The following PRH1 variants were observed in gnomAD, a reference collection of about 807,000 sequenced individuals.
PRH1 encodes proline rich protein HaeIII subfamily 1, also known as salivary acidic proline-rich phosphoprotein 1/2.
PRH1 carries 7 observed loss-of-function variants against 7.9 expected under a neutral mutation model. The ratio of observed to expected loss-of-function variants is 0.89; its 90% CI spans 0.50 to 1.67. The LOEUF (loss-of-function observed/expected upper bound fraction) is 1.67, where lower values mean the gene tolerates loss of function less well. PRH1 is among the 40% of genes most tolerant of loss of function. The pLI, the probability that PRH1 is intolerant of heterozygous loss-of-function variation, is 0.00. For missense variants in PRH1, 109 were observed against 223.6 expected, an observed-to-expected ratio of 0.49 and a Z score of 3.27; for synonymous variants, 45 against 80.8, an observed-to-expected ratio of 0.56 and a Z score of 2.38.
chr12:11,065,454 C>T (rs751643499), intron 1 of PRH1, among the ~76,000 whole-genome samples: 11 of 88,928 alleles, frequency 1.2e-4, no homozygotes, highest in Non-Finnish European at 1.6e-4. Flanking sequence ...CTGATTGTAG[C>T]TTCAATGTCT....
chr12:10,955,999 C>G (rs760347340), intron 2 of PRH1, among the ~76,000 whole-genome samples: 22 of 152,102 alleles, frequency 1.4e-4, no homozygotes, highest in Non-Finnish European at 2.4e-4. Context: ...AGAATTCCAC[C>G]ATGTGTATAA....
At chr12:11,031,368 C>G (rs754246916) in intron 1 of PRH1, 2 of 1,601,330 alleles carry the variant, frequency 1.2e-6, no homozygotes, top group Non-Finnish European at 1.7e-6. Flanking sequence ...TGTTTTAATG[C>G]TGGTGTTGTG....
chr12:10,979,063 A>G (rs1939234229), intron 1 of PRH1, among the ~76,000 whole-genome samples: 1 of 152,148 alleles, frequency 6.6e-6, no homozygotes, highest in African/African-American at 2.4e-5. Flanking sequence ...ATACATATGG[A>G]CACAAAGAAG....
chr12:11,073,802 T>C (rs1273530058), intron 1 of PRH1, among the ~76,000 whole-genome samples: 1 of 152,192 alleles, frequency 6.6e-6, no homozygotes, highest in East Asian at 1.9e-4. Context: ...TAGGACTCTG[T>C]GCCTGTCTCC....
intron 1 of PRH1, among the ~76,000 whole-genome samples, chr12:11,062,833 C>T (rs765789552): frequency 7.2e-5 from 11 of 152,028 alleles, no homozygotes; most frequent in Non-Finnish European, 1.6e-4. Context: ...ACACAGAATC[C>T]AAACTGCTTT....
At position 11,092,017 on chromosome 12, in the gene PRH1, C is replaced by A. The variant is rs778823151; in HGVS notation, n.124-44829G>T. ...CTTCTACACTATTAAAAGCTGGATT[C>A]AACACAGTTGAATACCAGTTTAATA... On this transcript the variant is annotated intron_variant and non_coding_transcript_variant, in intron 1 of 4. Transcript: ENST00000541977. 1.3e-5 allele frequency: 19 copies of A among 1,481,250 alleles called. 1 individual carries two copies. Among genetic ancestry groups the A allele is most frequent in the South Asian group, 3.4e-5 (3 of 88,508 alleles). The allele number at this position is 1,481,250 out of a possible 1,614,324, so 91.8% of individuals were successfully genotyped here.
intron 1 of PRH1, among the ~76,000 whole-genome samples, chr12:11,168,400 GAAAGAAAGAAAGAAAGAAA>G (rs1947700744): frequency 4.2e-5 from 2 of 47,864 alleles, no homozygotes; most frequent in African/African-American, 5.8e-5. Context: ...AAGAAAGAAA[GAAAGAAAGAAAGAAAGAAA>G]GGAAAAGAAA....
chr12:11,155,593 A>T (rs908747433), intron 1 of PRH1, among the ~76,000 whole-genome samples: 4 of 152,198 alleles, frequency 2.6e-5, no homozygotes, highest in African/African-American at 9.6e-5. Flanking sequence ...CTTTATAAAT[A>T]CAACCTTAAT....
In PRH1 at chr12:10,904,546, TA is replaced by T. The variant is rs562755403; in HGVS notation, c.-58-20272del. On this transcript the variant is annotated intron_variant, in intron 2 of 3. Coordinates refer to the PRH1 transcript ENST00000539853. ...ATTAACTCAGGATGGGTCAAAAATT[TA>T]AATGTAAGACTTTATACTACAATAA... is the stretch of plus-strand genomic sequence containing the variant. 4.7e-3 allele frequency among the ~76,000 whole-genome samples: 723 copies of T among 152,264 alleles called. 7 individuals are homozygous for T. The highest frequency in any genetic ancestry group is 0.017 in the African/African-American group (694 of 41,554).
intron 1 of PRH1, among the ~76,000 whole-genome samples, chr12:11,086,691 A>G (rs2136245750): frequency 8.0e-6 from 1 of 124,764 alleles, no homozygotes; most frequent in African/African-American, 2.7e-5. Context: ...AGGCAGGTGC[A>G]TCACCTGAGG....
At chr12:11,054,266 C>T (rs1051072988) in intron 1 of PRH1, among the ~76,000 whole-genome samples, 1 of 152,106 alleles carries the variant, frequency 6.6e-6, no homozygotes, top group Non-Finnish European at 1.5e-5. Context: ...CAAAAGTGAC[C>T]TCTAGCAAAG....
At chr12:10,950,268 C>T (rs76715774) in intron 2 of PRH1, among the ~76,000 whole-genome samples, 3,002 of 152,102 alleles carry the variant, frequency 0.02, 35 homozygotes, top group South Asian at 0.032. Context: ...TGAGGTGATC[C>T]TCCATCATAA....
intron 1 of PRH1, chr12:10,997,517 T>C (rs1940339106): frequency 6.2e-7 from 1 of 1,613,884 alleles, no homozygotes. Context: ...CCTTTTTAAG[T>C]GATGAAAAAT....
At chr12:11,128,437 C>G (rs1311872384) in intron 1 of PRH1, among the ~76,000 whole-genome samples, 1 of 152,018 alleles carries the variant, frequency 6.6e-6, no homozygotes, top group Non-Finnish European at 1.5e-5. Context: ...TCCAACTACT[C>G]CTGCCTCAGT....
intron 2 of PRH1, among the ~76,000 whole-genome samples, chr12:10,927,488 G>C (rs1006862371): frequency 6.6e-6 from 1 of 152,230 alleles, no homozygotes; most frequent in African/African-American, 2.4e-5. Flanking sequence ...CACAGGGCCA[G>C]AGAAGAATTG....
intron 1 of PRH1, among the ~76,000 whole-genome samples, chr12:10,996,086 G>A: frequency 6.6e-6 from 1 of 151,802 alleles, no homozygotes; most frequent in East Asian, 1.9e-4. Flanking sequence ...GGAGGCTGAG[G>A]CAGTGGATCA....
intron 1 of PRH1, among the ~76,000 whole-genome samples, chr12:11,139,186 T>A (rs1334687842): frequency 6.6e-6 from 1 of 152,224 alleles, no homozygotes; most frequent in Non-Finnish European, 1.5e-5. Context: ...TGTACTTATG[T>A]TTTTGCTTTT....
intron 1 of PRH1, among the ~76,000 whole-genome samples, chr12:11,025,216 C>T (rs1941847889): frequency 6.6e-6 from 1 of 152,058 alleles, no homozygotes; most frequent in Non-Finnish European, 1.5e-5. Flanking sequence ...GACGGGGTTT[C>T]ACCGTGTTAG....
chr12:11,148,402 C>T (rs999995010), intron 1 of PRH1, among the ~76,000 whole-genome samples: 7 of 148,192 alleles, frequency 4.7e-5, no homozygotes, highest in African/African-American at 1.5e-4. Flanking sequence ...TTTGCCCATT[C>T]AGTATGATAT....
Sources: allele counts gnomAD v4.1 joint callset (sites outside exome capture counted in the v4.1 genomes callset), GRCh38; gene constraint gnomAD v4.1.1; transcripts MANE v1.5; gene names NCBI Gene and HGNC (gene_info 2026-07-23, HGNC 2026-07-21).